The following EYA1 variants were observed in gnomAD, a reference collection of about 807,000 sequenced individuals.
EYA1 encodes EYA transcriptional coactivator and phosphatase 1, also known as protein phosphatase EYA1.
EYA1 carries 16 observed loss-of-function variants against 82.0 expected under a neutral mutation model. That is an observed-to-expected ratio of 0.20 (90% CI 0.13 to 0.30). EYA1 has a LOEUF of 0.30. Ranked by LOEUF, EYA1 falls within the 10% of genes least tolerant of loss-of-function variation. The probability of loss-of-function intolerance (pLI) is 1.00; values close to 1 mark genes in which losing one functional copy is unlikely to be tolerated. For missense variants in EYA1, 633 were observed against 730.7 expected (o/e 0.87, Z 1.54); for synonymous variants, 261 against 264.4 (o/e 0.99, Z 0.12).
At chr8:71,511,886 A>G (rs1279722341) in intron 2 of EYA1, among the ~76,000 whole-genome samples, 4 of 152,176 alleles carry the variant, frequency 2.6e-5, no homozygotes, top group Non-Finnish European at 5.9e-5. Flanking sequence ...TAGGAACCAG[A>G]GGCAGGCTTC....
chr8:71,245,095 A>T (rs1052935095), intron 11 of EYA1, among the ~76,000 whole-genome samples: 5 of 152,266 alleles, frequency 3.3e-5, no homozygotes, highest in Non-Finnish European at 5.9e-5. Context: ...GCACTGTCAC[A>T]AATATCAGAA....
intron 2 of EYA1, among the ~76,000 whole-genome samples, chr8:71,457,846 C>G (rs539216216): frequency 6.6e-6 from 1 of 152,062 alleles, no homozygotes; most frequent in African/African-American, 2.4e-5. Flanking sequence ...AACAAACCTG[C>G]ACGTTATGCA....
chr8:71,287,768 T>C (rs1244046896), intron 9 of EYA1, among the ~76,000 whole-genome samples: 1 of 152,186 alleles, frequency 6.6e-6, no homozygotes, highest in African/African-American at 2.4e-5. Flanking sequence ...GTCACCCCCA[T>C]ATTCCCAGCA....
chr8:71,246,766 T>C (rs2128908546), intron 11 of EYA1, among the ~76,000 whole-genome samples: 1 of 152,298 alleles, frequency 6.6e-6, no homozygotes. Flanking sequence ...GTTTGTACAG[T>C]TAGGAGAGAG....
intron 3 of EYA1, among the ~76,000 whole-genome samples, chr8:71,353,228 A>G (rs907794022): frequency 7.2e-5 from 11 of 152,182 alleles, no homozygotes; most frequent in South Asian, 2.1e-4. Context: ...CGGCGCAGGG[A>G]CCTGCGGCAG....
At chr8:71,402,899 G>T (rs1830031111) in intron 2 of EYA1, among the ~76,000 whole-genome samples, 1 of 152,108 alleles carries the variant, frequency 6.6e-6, no homozygotes. Context: ...AGCTGGCTGG[G>T]AAAATAATTA....
upstream of EYA1, chr8:71,362,314 G>T (rs1242670326): frequency 3.1e-5 from 18 of 584,372 alleles, no homozygotes; most frequent in Non-Finnish European, 3.4e-5. Context: ...AAATGAACGC[G>T]CCCCACGCTA....
chr8:71,525,108 G>T (rs1813710901), intron 2 of EYA1, among the ~76,000 whole-genome samples: 1 of 152,188 alleles, frequency 6.6e-6, no homozygotes, highest in African/African-American at 2.4e-5. Context: ...AGATGAAGAT[G>T]GGGGCTCAGA....
intron 2 of EYA1, among the ~76,000 whole-genome samples, chr8:71,482,463 A>T (rs56730538): frequency 6.6e-6 from 1 of 152,168 alleles, no homozygotes; most frequent in African/African-American, 2.4e-5. Context: ...GTTCAACCAC[A>T]TTGAAAAGCT....
intron 2 of EYA1, among the ~76,000 whole-genome samples, chr8:71,496,325 A>T (rs1811407412): frequency 6.6e-6 from 1 of 152,144 alleles, no homozygotes; most frequent in Non-Finnish European, 1.5e-5. Context: ...AGTCAGGTTT[A>T]TTTTTGTTGG....
At position 71,331,231 on chromosome 8, in the gene EYA1, A is replaced by G. The variant is rs551303401; in HGVS notation, c.202+2866T>C. Among the ~76,000 whole-genome samples the G allele has an allele frequency of 3.4e-3, 472 of 138,266 alleles. 2 individuals carry two copies. Among genetic ancestry groups the G allele is most frequent in the African/African-American group, 0.013 (456 of 33,822 alleles). 90.7% of individuals were successfully genotyped at this position (138,266 alleles called of 152,430 possible). Reference sequence around the variant, plus strand: ...GCAACAGAGTGAGACTCTGTCTCTAAATAAATAAATAAATACACACACACA... The same window carrying G: ...GCAACAGAGTGAGACTCTGTCTCTAGATAAATAAATAAATACACACACACA... On this transcript the variant is annotated intron_variant, in intron 4 of 17. Coordinates refer to ENST00000340726, the MANE Select transcript of EYA1 (RefSeq NM_000503.6).
chr8:71,229,820 T>C (rs1042592797), intron 12 of EYA1, among the ~76,000 whole-genome samples: 1 of 152,080 alleles, frequency 6.6e-6, no homozygotes, highest in Non-Finnish European at 1.5e-5. Flanking sequence ...GACAGAAGAG[T>C]TCCCTTTAAC....
chr8:71,539,315 T>A (rs138256360), intron 1 of EYA1, among the ~76,000 whole-genome samples: 45 of 152,320 alleles, frequency 3.0e-4, no homozygotes, highest in African/African-American at 1.0e-3. Context: ...TTTGTAGCTG[T>A]ATGAGACCAT....
intron 3 of EYA1, among the ~76,000 whole-genome samples, chr8:71,348,989 C>A (rs528345827): frequency 4.7e-4 from 72 of 152,264 alleles, no homozygotes; most frequent in Non-Finnish European, 9.0e-4. Flanking sequence ...GTAACACCGC[C>A]CCAATCCAAA....
chr8:71,231,446 T>C (rs892836085), intron 12 of EYA1, among the ~76,000 whole-genome samples: 1 of 152,238 alleles, frequency 6.6e-6, no homozygotes, highest in Non-Finnish European at 1.5e-5. Flanking sequence ...CTAAATGTCA[T>C]GCTTTCTCAA....
At chr8:71,267,099 TA>T (rs1234714026) in intron 11 of EYA1, among the ~76,000 whole-genome samples, 7 of 152,264 alleles carry the variant, frequency 4.6e-5, no homozygotes, top group Admixed American at 3.9e-4. Context: ...TTAGCTAAAG[TA>T]AAATGTAAAT....
At chr8:71,323,686 T>C (rs1220158252) in intron 4 of EYA1, among the ~76,000 whole-genome samples, 1 of 152,228 alleles carries the variant, frequency 6.6e-6, no homozygotes, top group Non-Finnish European at 1.5e-5. Context: ...CCCCATCATC[T>C]GGCACATACT....
In EYA1 at chr8:71,541,728, T is replaced by C. The variant is rs904740913; in HGVS notation, c.-72-5880A>G. Among the ~76,000 whole-genome samples, 116 of 152,262 alleles carry C rather than the reference T, an allele frequency of 7.6e-4. 2 individuals are homozygous for C. Among genetic ancestry groups the C allele is most frequent in the African/African-American group, 2.7e-3 (111 of 41,554 alleles). On this transcript the variant is annotated intron_variant, in intron 1 of 18. Coordinates refer to the EYA1 transcript ENST00000643681. ...ATAAAGCCTGTTTGTAACGAGGAAATTCAGGCAATCAAAAGAAAATCATTT... is the reference window on the plus strand; with the variant it reads ...ATAAAGCCTGTTTGTAACGAGGAAACTCAGGCAATCAAAAGAAAATCATTT...
chr8:71,472,245 C>A (rs568216252), intron 2 of EYA1, among the ~76,000 whole-genome samples: 7 of 152,212 alleles, frequency 4.6e-5, no homozygotes, highest in African/African-American at 1.2e-4. Flanking sequence ...CTACTTCTAG[C>A]CAATTGTCCT....
Sources: gnomAD v4.1 joint callset for allele counts (sites outside exome capture counted in the v4.1 genomes callset) on GRCh38, gnomAD v4.1.1 for gene constraint, MANE v1.5 for transcripts, NCBI Gene and HGNC (gene_info 2026-07-23, HGNC 2026-07-21) for gene names.